The following GRID2 variants were observed in gnomAD, a reference collection of about 807,000 sequenced individuals.
GRID2 encodes glutamate receptor ionotropic, delta-2.
Under a neutral mutation model 114.8 loss-of-function variants are expected in GRID2, and 33 were observed. The ratio of observed to expected loss-of-function variants is 0.29; its 90% CI spans 0.22 to 0.38. GRID2 has a LOEUF of 0.38. Ranked by LOEUF, GRID2 falls within the 10% of genes least tolerant of loss-of-function variation. The pLI is 1.00. For synonymous variants in GRID2, 505 were observed against 449.9 expected (o/e 1.12, Z -1.55); for missense variants, 1,184 against 1,257.7 (o/e 0.94, Z 0.89).
At chr4:92,912,125 A>G (rs976666826) in intron 2 of GRID2, among the ~76,000 whole-genome samples, 2 of 151,868 alleles carry the variant, frequency 1.3e-5, no homozygotes, top group African/African-American at 4.8e-5. Context: ...TTTCTTGAAG[A>G]AGTTTTATTT....
intron 1 of GRID2, among the ~76,000 whole-genome samples, chr4:92,534,320 T>A (rs1161305272): frequency 6.6e-6 from 1 of 152,178 alleles, no homozygotes; most frequent in Non-Finnish European, 1.5e-5. Flanking sequence ...ATTTTGCTGT[T>A]GTAGCACACT....
At chr4:92,411,028 T>A (rs1227918980) in intron 1 of GRID2, among the ~76,000 whole-genome samples, 1 of 152,084 alleles carries the variant, frequency 6.6e-6, no homozygotes, top group African/African-American at 2.4e-5. Flanking sequence ...GTTTTTGGAT[T>A]TCAGGATTAT....
chr4:92,480,688 C>T (rs372152709), intron 1 of GRID2, among the ~76,000 whole-genome samples: 18 of 152,072 alleles, frequency 1.2e-4, no homozygotes, highest in African/African-American at 3.6e-4. Flanking sequence ...GACTTGTGGT[C>T]GCTCAAGGCT....
intron 8 of GRID2, among the ~76,000 whole-genome samples, chr4:93,336,840 G>C (rs1438206384): frequency 6.6e-6 from 1 of 151,822 alleles, no homozygotes; most frequent in East Asian, 1.9e-4. Flanking sequence ...TCAAAGTCCA[G>C]TTTTCTATTT....
At chr4:93,249,488 G>A (rs1290661621) in intron 8 of GRID2, among the ~76,000 whole-genome samples, 1 of 152,040 alleles carries the variant, frequency 6.6e-6, no homozygotes, top group African/African-American at 2.4e-5. Context: ...TCATGATATC[G>A]ATTATTCCTA....
chr4:92,868,196 A>G (rs1745039724), intron 2 of GRID2, among the ~76,000 whole-genome samples: 1 of 152,078 alleles, frequency 6.6e-6, no homozygotes, highest in Non-Finnish European at 1.5e-5. Context: ...TATTAAGACA[A>G]TCCACAATGT....
rs921508827 is a variant in GRID2, at chr4:92,570,563, G to A, written c.89-19568G>A. ...CTTTGAGCAGTGTGGTCATTTTCATGATATTAATTCTTCCTATCCATGAGC... is the reference window on the plus strand; with the variant it reads ...CTTTGAGCAGTGTGGTCATTTTCATAATATTAATTCTTCCTATCCATGAGC... On this transcript the variant is annotated intron_variant, in intron 1 of 15. Coordinates refer to ENST00000282020, the MANE Select transcript of GRID2 (RefSeq NM_001510.4). Among the ~76,000 whole-genome samples, 10 of 152,024 alleles carry A rather than the reference G, an allele frequency of 6.6e-5. 1 individual carries two copies. Among genetic ancestry groups the A allele is most frequent in the Non-Finnish European group, 1.5e-5 (1 of 67,980 alleles).
intron 2 of GRID2, among the ~76,000 whole-genome samples, chr4:92,599,098 A>G (rs753700999): frequency 1.4e-5 from 2 of 143,798 alleles, no homozygotes; most frequent in African/African-American, 2.6e-5. Context: ...GCTAGTCAGC[A>G]CAGGAAGATG....
intron 11 of GRID2, among the ~76,000 whole-genome samples, chr4:93,457,955 C>T (rs189187095): frequency 0.24 from 36,669 of 152,028 alleles, 5,415 homozygotes; most frequent in Non-Finnish European, 0.34. Context: ...ACAGAAGAGA[C>T]ATCTGGACTT....
At chr4:92,482,557 A>C (rs1161881298) in intron 1 of GRID2, among the ~76,000 whole-genome samples, 1 of 152,208 alleles carries the variant, frequency 6.6e-6, no homozygotes, top group African/African-American at 2.4e-5. Flanking sequence ...GACTCCATTT[A>C]GTTATGTTAA....
chr4:93,323,103 C>T lies in GRID2; in HGVS notation c.1246-72504C>T, dbSNP rs1188410292. 3.3e-5 allele frequency among the ~76,000 whole-genome samples: 5 copies of T among 151,864 alleles called. 1 individual carries two copies. In the South Asian group the frequency reaches 6.2e-4, roughly 19 times the overall value. On this transcript the variant is annotated intron_variant, in intron 8 of 15. Coordinates refer to ENST00000282020, the MANE Select transcript of GRID2 (RefSeq NM_001510.4). ...TTGTTGCCATTGCTTTTGGTGTTTT[C>T]GTCAGGAAGTCCTTGCCCATGCTTC...
intron 14 of GRID2, among the ~76,000 whole-genome samples, chr4:93,753,824 C>A (rs530463081): frequency 1.3e-5 from 2 of 152,254 alleles, no homozygotes; most frequent in African/African-American, 4.8e-5. Context: ...ATCTTGAGAG[C>A]CCTTTGGGCC....
chr4:93,055,700 A>C (rs1727163294), intron 2 of GRID2, among the ~76,000 whole-genome samples: 2 of 151,956 alleles, frequency 1.3e-5, no homozygotes, highest in South Asian at 4.1e-4. Context: ...ATTTTATTGA[A>C]CAAATTGATT....
At chr4:93,388,120 G>A (rs900925042) in intron 8 of GRID2, among the ~76,000 whole-genome samples, 1 of 152,048 alleles carries the variant, frequency 6.6e-6, no homozygotes, top group African/African-American at 2.4e-5. Flanking sequence ...CTATATTACA[G>A]TGATATGAGG....
At chr4:93,516,140 A>G (rs1212537962) in intron 13 of GRID2, among the ~76,000 whole-genome samples, 2 of 152,100 alleles carry the variant, frequency 1.3e-5, no homozygotes, top group Non-Finnish European at 2.9e-5. Flanking sequence ...TTTAATAAAT[A>G]ATTATGGAAT....
chr4:92,977,632 T>G (rs1753955399), intron 2 of GRID2, among the ~76,000 whole-genome samples: 1 of 152,142 alleles, frequency 6.6e-6, no homozygotes, highest in Non-Finnish European at 1.5e-5. Context: ...GAATCAATTG[T>G]AGGAAGCAGG....
intron 2 of GRID2, among the ~76,000 whole-genome samples, chr4:92,861,271 G>C (rs1744513265): frequency 1.3e-5 from 2 of 151,988 alleles, no homozygotes. Context: ...TTTAAAGGAT[G>C]GTAATATTAT....
At chr4:92,932,275 G>A (rs1750298308) in intron 2 of GRID2, among the ~76,000 whole-genome samples, 3 of 151,236 alleles carry the variant, frequency 2.0e-5, no homozygotes, top group Admixed American at 6.6e-5. Context: ...CTTAATGTGA[G>A]TATGAAAAAT....
At chr4:92,369,844 G>A (rs1288294123) in intron 1 of GRID2, among the ~76,000 whole-genome samples, 2 of 152,094 alleles carry the variant, frequency 1.3e-5, no homozygotes, top group Admixed American at 1.3e-4. Context: ...ATATTTACCA[G>A]TTAAAAAACC....
Sources: allele counts gnomAD v4.1 joint callset (sites outside exome capture counted in the v4.1 genomes callset), GRCh38; gene constraint gnomAD v4.1.1; transcripts MANE v1.5; gene names NCBI Gene and HGNC (gene_info 2026-07-23, HGNC 2026-07-21).